BTN2A1: variants seen among roughly 807,000 people sequenced by gnomAD.
BTN2A1 encodes the protein butyrophilin, subfamily 2, member A1.
A neutral mutation model predicts 34.5 loss-of-function variants in BTN2A1; 41 were observed. The ratio of observed to expected loss-of-function variants is 1.19; its 90% CI spans 0.93 to 1.54. BTN2A1 has a LOEUF of 1.54. Among genes scored for constraint, BTN2A1 ranks in the 40% most tolerant of loss-of-function variants. The pLI is 0.00. For synonymous variants in BTN2A1, 267 were observed against 258.6 expected, an observed-to-expected ratio of 1.03 and a Z score of -0.31; for missense variants, 642 against 662.0, an observed-to-expected ratio of 0.97 and a Z score of 0.33.
rs775510675 is a variant in BTN2A1, at chr6:26,468,013, G to A, written c.1048G>A (p.Val350Met). ...DLFLSEDRRS[V>M]RRCPFRHLGE... ...CTTCCTGTCAGAGGACCGGAGAAGTGTGAGAAGGTGCCCCTTCAGGCACCT... is the reference window on the plus strand; with the variant it reads ...CTTCCTGTCAGAGGACCGGAGAAGTATGAGAAGGTGCCCCTTCAGGCACCT... The change falls in exon 8 of 8, where the codon GTG (valine) becomes ATG (methionine). Residue 350 changes from valine (V) to methionine (M), a missense_variant. By Grantham distance (21) the Val-to-Met change is conservative. Coordinates refer to ENST00000312541, the MANE Select transcript of BTN2A1 (RefSeq NM_007049.5). 10 of 1,614,240 alleles carry A rather than the reference G, an allele frequency of 6.2e-6. No individual in the cohort carries two copies. The highest frequency in any genetic ancestry group is 4.5e-5 in the East Asian group (2 of 44,874).
chr6:26,459,369 G>A (rs1221489600), intron 2 of BTN2A1, 112 bp from the exon 3 acceptor site: 1 of 1,201,192 alleles, frequency 8.3e-7, no homozygotes, highest in Non-Finnish European at 1.2e-6. Flanking sequence ...AGCCCAAAGA[G>A]ACCCTATGGC....
chr6:26,475,683 G>T (rs1462504678), intron 7 of BTN2A1, among the ~76,000 whole-genome samples: 1 of 152,052 alleles, frequency 6.6e-6, no homozygotes, highest in Non-Finnish European at 1.5e-5. Flanking sequence ...TGAGTTGGGA[G>T]GATCACTTGA....
chr6:26,463,251 CT>C lies in BTN2A1; in HGVS notation c.439del (p.Ser147LeufsTer7), dbSNP rs762820722. The C allele has an allele frequency of 1.2e-5, 19 of 1,603,496 alleles. No homozygotes were observed. Among genetic ancestry groups the C allele is most frequent in the Non-Finnish European group, 1.4e-5 (17 of 1,174,950 alleles). ...CCTGATATCTCTCCACAGGACTAGG[CT>C]CTAAGCCCCTCATTTCAATGAGGGG... is the stretch of plus-strand genomic sequence containing the variant. ...ILHLVVAGLG[S>X]KPLISMRGHE... On this transcript the variant is annotated frameshift_variant, in exon 4 of 8. Coordinates refer to ENST00000312541, the MANE Select transcript of BTN2A1 (RefSeq NM_007049.5). LOFTEE classifies it high-confidence loss of function.
chr6:26,474,652 A>C (rs534758082), intron 7 of BTN2A1, among the ~76,000 whole-genome samples: 2 of 152,148 alleles, frequency 1.3e-5, no homozygotes. Flanking sequence ...AAGAGTAAGG[A>C]CCTGAAGAGG....
intron 6 of BTN2A1, 26 bp downstream of exon 6, chr6:26,465,999 A>G (rs776080814): frequency 1.2e-5 from 20 of 1,614,234 alleles, no homozygotes; most frequent in South Asian, 1.1e-4. Flanking sequence ...CCTTAACTAC[A>G]TGTACAATTT....
At chr6:26,474,309 G>A (rs959930190), downstream of BTN2A1, among the ~76,000 whole-genome samples, 18 of 152,228 alleles carry the variant, frequency 1.2e-4, no homozygotes, top group Admixed American at 1.2e-3. Context: ...ACTCTGAGCT[G>A]TAACCAATTA....
At position 26,468,735 on chromosome 6, in the gene BTN2A1, T is replaced by A. The variant is rs1360342734; in HGVS notation, c.*186T>A. ...TTTTCTCCTCCTCACTAGGCTGTGT[T>A]TTTAGTAGTTCCTTTGCTTGTAACT... On this transcript the variant is annotated 3_prime_UTR_variant, in exon 8 of 8. Transcript: ENST00000312541. The A allele has an allele frequency of 6.2e-7, 1 of 1,611,980 alleles. No homozygotes were observed.
intron 3 of BTN2A1, among the ~76,000 whole-genome samples, chr6:26,461,852 C>T (rs1276169183): frequency 6.6e-6 from 1 of 150,866 alleles, no homozygotes; most frequent in Non-Finnish European, 1.5e-5. Flanking sequence ...CCAGTCTCTA[C>T]AAAAAGATAC....
At position 26,458,704 on chromosome 6, in the gene BTN2A1, G is replaced by T; in HGVS notation, c.68G>T (p.Cys23Phe). Residue 23 changes from cysteine to phenylalanine, a missense_variant, in exon 2 of 8, where the codon TGT (cysteine) becomes TTT (phenylalanine). Transcript: ENST00000312541. ...CTCCTCCTCCTCCTCCTCAGCCTGT[G>T]TGCACTGGTCTCAGGTAGGGATGTG... ...ASLLLLLLSL[C>F]ALVSAQFIVV... 6.2e-7 allele frequency: 1 copy of T among 1,614,102 alleles called. No homozygotes were observed. The highest frequency in any genetic ancestry group is 8.5e-7 in the Non-Finnish European group (1 of 1,179,990).
intron 2 of BTN2A1, among the ~76,000 whole-genome samples, chr6:26,459,113 T>TA (rs1297024224): frequency 1.3e-5 from 2 of 152,230 alleles, no homozygotes; most frequent in African/African-American, 4.8e-5. Context: ...ATTTTACACT[T>TA]ACAGCTCATT....
rs1763386754 is a variant in BTN2A1, at chr6:26,468,555, A to G, written c.*6A>G. ...GGACCCACCAGAGCCTATAGAATCA[A>G]TTCCTTGGTCTCACAGCCATGTAGA... On this transcript the variant is annotated 3_prime_UTR_variant, in exon 8 of 8. Transcript: ENST00000312541. The G allele has an allele frequency of 6.2e-7, 1 of 1,614,138 alleles. No individual in the cohort carries two copies. Among genetic ancestry groups the G allele is most frequent in the South Asian group, 1.1e-5 (1 of 91,092 alleles).
intron 3 of BTN2A1, among the ~76,000 whole-genome samples, chr6:26,461,065 G>A (rs776880977): frequency 2.6e-5 from 4 of 152,198 alleles, no homozygotes; most frequent in African/African-American, 7.2e-5. Context: ...ATCATAACAG[G>A]TAGGAGACCC....
intron 7 of BTN2A1, 155 bp from the exon 8 acceptor site, chr6:26,467,791 TCA>T: frequency 6.4e-7 from 1 of 1,567,966 alleles, no homozygotes. Context: ...TCAGTAATTC[TCA>T]GTGTGTGAGC....
intron 7 of BTN2A1, among the ~76,000 whole-genome samples, chr6:26,467,126 A>G (rs1302440898): frequency 6.6e-6 from 1 of 152,152 alleles, no homozygotes; most frequent in Non-Finnish European, 1.5e-5. Context: ...TGATCTGGTA[A>G]AAGGAACACA....
chr6:26,459,284 G>C (rs1301680780), intron 2 of BTN2A1, among the ~76,000 whole-genome samples, 197 bp from the exon 3 acceptor site: 32 of 152,168 alleles, frequency 2.1e-4, no homozygotes, highest in Admixed American at 1.9e-3. Flanking sequence ...CCTTCATGAA[G>C]CAGAAGCACA....
Position 26,468,953 on chromosome 6 carries a change from A to G in BTN2A1, c.*404A>G. ...AGGGTTCACCAGGATGTAAGAGGAG[A>G]GAGGAATCCACAGGACCACCAGAGA... On this transcript the variant is annotated 3_prime_UTR_variant, in exon 8 of 8. Transcript: ENST00000312541. The G allele has an allele frequency of 2.5e-6, 3 of 1,216,120 alleles. No homozygotes were observed. The Admixed American group carries it at 1.0e-4, about 42-fold the overall frequency. The allele number at this position is 1,216,120 out of a possible 1,614,324, so 75.3% of individuals were successfully genotyped here. A position where few individuals can be genotyped will look rare whatever the true frequency, so the allele number is the denominator to read the frequency against.
chr6:26,463,618 G>A (rs1763233562), intron 4 of BTN2A1, 93 bp downstream of exon 4: 1 of 1,435,394 alleles, frequency 7.0e-7, no homozygotes, highest in African/African-American at 1.4e-5. Flanking sequence ...AGCAGTGTGG[G>A]TGAAATAGTC....
At chr6:26,475,718 G>C (rs1304503985) in intron 7 of BTN2A1, among the ~76,000 whole-genome samples, 1 of 151,474 alleles carries the variant, frequency 6.6e-6, no homozygotes, top group Admixed American at 6.6e-5. Context: ...GATCAGACTG[G>C]GAAACATAGT....
Position 26,462,847 on chromosome 6 carries a change from G to A in BTN2A1, c.431-397G>A, listed in dbSNP as rs1424016553. 24 of 1,282,048 alleles carry A rather than the reference G, an allele frequency of 1.9e-5. 1 individual carries two copies. Among genetic ancestry groups the A allele is most frequent in the Non-Finnish European group, 2.3e-5 (23 of 982,154 alleles). 79.4% of individuals were successfully genotyped at this position (1,282,048 alleles called of 1,614,324 possible). A position where few individuals can be genotyped will look rare whatever the true frequency, so the allele number is the denominator to read the frequency against. On this transcript the variant is annotated intron_variant, in intron 3 of 7. Coordinates refer to ENST00000312541, the MANE Select transcript of BTN2A1 (RefSeq NM_007049.5). Reference sequence around the variant, plus strand: ...AGAAGTCGTCCCAGAAGCAGAAAGTGAAATCCAAAACCTGCCTGTTTGAAG... The same window carrying A: ...AGAAGTCGTCCCAGAAGCAGAAAGTAAAATCCAAAACCTGCCTGTTTGAAG...
Sources: gnomAD v4.1 joint callset for allele counts (sites outside exome capture counted in the v4.1 genomes callset) on GRCh38, gnomAD v4.1.1 for gene constraint, MANE v1.5 for transcripts, NCBI Gene and HGNC (gene_info 2026-07-23, HGNC 2026-07-21) for gene names.